The following GBP5 variants were observed in gnomAD, a reference collection of about 807,000 sequenced individuals.
GBP5 encodes guanylate-binding protein 5.
GBP5 carries 48 observed loss-of-function variants against 58.2 expected under a neutral mutation model. The observed-to-expected ratio is 0.83, with a 90% CI of 0.65 to 1.05. The LOEUF is 1.05. GBP5 is among the 50% of genes least tolerant of loss of function. GBP5 has a pLI of 0.00. For synonymous variants in GBP5, 248 were observed against 251.8 expected (o/e 0.98, Z 0.14); for missense variants, 714 against 686.8 (o/e 1.04, Z -0.44).
In GBP5 at chr1:89,261,252, C is replaced by T. The variant is rs61798824; in HGVS notation, c.1648-435G>A. Among the ~76,000 whole-genome samples the T allele has an allele frequency of 4.6e-3, 703 of 152,294 alleles. 4 individuals carry two copies. Among genetic ancestry groups the T allele is most frequent in the Non-Finnish European group, 8.1e-3 (549 of 68,012 alleles). On this transcript the variant is annotated intron_variant, in intron 11 of 11. Transcript: ENST00000370459. ...CATAAGAGAATTTGTTCCAGGTCACCACAGAAGTAGGAGAAAAGAGTGAAT... is the reference window on the plus strand; with the variant it reads ...CATAAGAGAATTTGTTCCAGGTCACTACAGAAGTAGGAGAAAAGAGTGAAT...
chr1:89,264,820 G>T lies in GBP5; in HGVS notation c.1015C>A (p.Gln339Lys), dbSNP rs1431824268. 2 of 1,614,012 alleles carry T rather than the reference G, an allele frequency of 1.2e-6. No individual in the cohort carries two copies. Among genetic ancestry groups the T allele is most frequent in the Non-Finnish European group, 1.7e-6 (2 of 1,180,044 alleles). Residue 339 changes from glutamine to lysine, a missense_variant, in exon 8 of 12, where the codon CAG (glutamine) becomes AAG (lysine). Physicochemically the swap from Gln to Lys is moderately conservative, Grantham distance 53. Transcript: ENST00000370459. ...GTTTCCATGGGCAGCTGCACTTTCT[G>T]GCCCATTTGCTGGTCATAGTGGGCA... ...AIAHYDQQMG[Q>K]KVQLPMETLQ...
At chr1:89,261,163 G>A (rs1649993750) in intron 11 of GBP5, among the ~76,000 whole-genome samples, 1 of 152,168 alleles carries the variant, frequency 6.6e-6, no homozygotes, top group African/African-American at 2.4e-5. Context: ...AAGAGAAGAG[G>A]CTGATACAAA....
At position 89,262,241 on chromosome 1, in the gene GBP5, T is replaced by C. The variant is rs2100716732; in HGVS notation, c.1626A>G (p.Lys542=). ...AKQNWLAEQQ[K]MQEQQMQEQA... is the part of the protein sequence containing the mutation. ...ATACCTGCATCTGTTGTTCCTGCAT[T>C]TTCTGTTGCTCTGCCAGCCAATTTT... Residue 542 remains lysine, a synonymous_variant, in exon 11 of 12, where the codon AAA becomes AAG. Transcript: ENST00000370459. The C allele has an allele frequency of 1.9e-6, 3 of 1,614,196 alleles. No individual in the cohort carries two copies. The highest frequency in any genetic ancestry group is 4.5e-5 in the East Asian group (2 of 44,886).
At chr1:89,271,378 A>T (rs1459238302) in intron 1 of GBP5, 1 of 152,220 alleles carries the variant, frequency 6.6e-6, no homozygotes, top group Non-Finnish European at 1.5e-5. Flanking sequence ...AAGCAAAAGT[A>T]AATAAACAAC....
Position 89,260,674 on chromosome 1 carries a change from T to TA in GBP5, c.*29dup, listed in dbSNP as rs898839050. 3.7e-6 allele frequency: 5 copies of TA among 1,341,190 alleles called. No homozygotes were observed. Among genetic ancestry groups the TA allele is most frequent in the Non-Finnish European group, 5.4e-6 (5 of 934,342 alleles). The allele number at this position is 1,341,190 out of a possible 1,614,324, so 83.1% of individuals were successfully genotyped here. ...CTGTTGTGTCATCAGTGACAAAGAG[T>TA]AAAAAAAGGAAACTCCCATATTTAG... On this transcript the variant is annotated 3_prime_UTR_variant, in exon 12 of 12. Coordinates refer to ENST00000370459, the MANE Select transcript of GBP5 (RefSeq NM_052942.5).
At chr1:89,267,779 A>G (rs1650285458) in intron 4 of GBP5, among the ~76,000 whole-genome samples, 1 of 152,154 alleles carries the variant, frequency 6.6e-6, no homozygotes, top group Admixed American at 6.5e-5. Flanking sequence ...TAAAACCAAC[A>G]TTTTCCAGCA....
chr1:89,263,422 T>C lies in GBP5; in HGVS notation c.1362+314A>G, dbSNP rs151331192. 2.8e-3 allele frequency: 715 copies of C among 251,996 alleles called. 4 individuals carry two copies. The highest frequency in any genetic ancestry group is 4.0e-3 in the Non-Finnish European group (514 of 129,420). The allele number at this position is 251,996 out of a possible 1,614,324, so 15.6% of individuals were successfully genotyped here. ...TGGTGTTTCTTAGGTTAGTTTCAAGTATTGGCATTCTGTCCAATGTAACCA... is the reference window on the plus strand; with the variant it reads ...TGGTGTTTCTTAGGTTAGTTTCAAGCATTGGCATTCTGTCCAATGTAACCA... On this transcript the variant is annotated intron_variant, in intron 9 of 11. Transcript: ENST00000370459.
intron 4 of GBP5, among the ~76,000 whole-genome samples, chr1:89,268,083 A>G (rs748638139): frequency 2.0e-4 from 30 of 152,320 alleles, no homozygotes; most frequent in Non-Finnish European, 1.0e-4. Flanking sequence ...ACTCATACCA[A>G]CTCATGACAG....
chr1:89,257,833 G>A lies in GBP5; in HGVS notation c.*2871C>T, dbSNP rs1649844144. On this transcript the variant is annotated 3_prime_UTR_variant, in exon 12 of 12. Transcript: ENST00000370459. ...AATTTTGTGGCTTAAAACAACAGAA[G>A]CTTATTATCTTACAGTTTTGGAAAT... 6.6e-6 allele frequency among the ~76,000 whole-genome samples: 1 copy of A among 152,130 alleles called. No homozygotes were observed. Among genetic ancestry groups the A allele is most frequent in the Admixed American group, 6.5e-5 (1 of 15,274 alleles).
At position 89,263,929 on chromosome 1, in the gene GBP5, T is replaced by C. The variant is rs1384556593; in HGVS notation, c.1169A>G (p.Gln390Arg). ...KELETLLDAK[Q>R]NDICKRNLEA... is the part of the protein sequence containing the mutation. The stretch of plus-strand genomic sequence containing the variant: ...CAGGTTCCGTTTACAAATGTCATTC[T>C]GTTTTGCATCTAGTAGAGTCTTCAA... The change falls in exon 9 of 12, where the codon CAG becomes CGG. Residue 390 changes from glutamine (Q) to arginine (R), a missense_variant. Gln to Arg is a conservative substitution (Grantham distance 43, BLOSUM62 1). Transcript: ENST00000370459. 3.1e-6 allele frequency: 5 copies of C among 1,610,034 alleles called. No homozygotes were observed. Among genetic ancestry groups the C allele is most frequent in the Non-Finnish European group, 4.2e-6 (5 of 1,177,730 alleles).
intron 7 of GBP5, among the ~76,000 whole-genome samples, chr1:89,265,178 A>G (rs753048745): frequency 2.6e-5 from 4 of 152,226 alleles, no homozygotes; most frequent in Non-Finnish European, 5.9e-5. Context: ...CTGTGTTCAA[A>G]TAAGAAAATA....
chr1:89,266,731 A>C (rs927692291), intron 6 of GBP5, 143 bp from the exon 7 acceptor site: 51 of 839,868 alleles, frequency 6.1e-5, no homozygotes, highest in Non-Finnish European at 7.1e-5. Flanking sequence ...AATGGTAACT[A>C]ATCAGGGAAA....
In GBP5 at chr1:89,267,453, A is replaced by C. The variant is rs1650267352; in HGVS notation, c.392T>G (p.Val131Gly). The change falls in exon 5 of 12, where the codon GTG becomes GGG. Residue 131 changes from valine (V) to glycine (G), a missense_variant. Physicochemically the swap from Val to Gly is moderately radical, Grantham distance 109. Coordinates refer to ENST00000370459, the MANE Select transcript of GBP5 (RefSeq NM_052942.5). ...LLSSTFVYNTVNKIDQGAIDL... is the reference protein window; with the variant it reads ...LLSSTFVYNTGNKIDQGAIDL... ...GATAGCACCCTGATCAATTTTGTTCACAGTATTGTACACAAAGGTGCTGCT... is the reference window on the plus strand; with the variant it reads ...GATAGCACCCTGATCAATTTTGTTCCCAGTATTGTACACAAAGGTGCTGCT... 1 of 1,613,884 alleles carries C rather than the reference A, an allele frequency of 6.2e-7. No individual in the cohort carries two copies. Among genetic ancestry groups the C allele is most frequent in the Admixed American group, 1.7e-5 (1 of 60,024 alleles).
chr1:89,262,133 AC>A, intron 11 of GBP5, 86 bp downstream of exon 11: 1 of 1,285,924 alleles, frequency 7.8e-7, no homozygotes, highest in Non-Finnish European at 1.1e-6. Context: ...GCTGAGAGCC[AC>A]AAGATCTTGC....
intron 11 of GBP5, among the ~76,000 whole-genome samples, chr1:89,261,305 T>C (rs1488406961): frequency 6.6e-6 from 1 of 152,248 alleles, no homozygotes; most frequent in Admixed American, 6.5e-5. Flanking sequence ...CTGCTCATAC[T>C]GCTCTTTAGG....
chr1:89,262,967 AT>A, intron 9 of GBP5, 182 bp from the exon 10 acceptor site: 5 of 454,672 alleles, frequency 1.1e-5, no homozygotes, highest in South Asian at 7.9e-5. Flanking sequence ...GGAACTGCCA[AT>A]TGAGACTGGA....
At chr1:89,267,220 T>TC in intron 5 of GBP5, 67 bp from the exon 6 acceptor site, 1 of 1,356,120 alleles carries the variant, frequency 7.4e-7, no homozygotes, top group Non-Finnish European at 1.0e-6. Flanking sequence ...AATTCCATTT[T>TC]CCCCCAAACC....
chr1:89,263,544 T>TA (rs1650090803), intron 9 of GBP5, 192 bp downstream of exon 9: 1 of 525,640 alleles, frequency 1.9e-6, no homozygotes, highest in East Asian at 3.0e-5. Flanking sequence ...CCATTAGATA[T>TA]AAATTCTGTG....
rs1649913246 is a variant in GBP5, at chr1:89,259,488, T to G, written c.*1216A>C. ...GTTGAAAGCTGCACATTGTTTCCAC[T>G]TTACCATTGGTACTTCCCTCTGATG... On this transcript the variant is annotated 3_prime_UTR_variant, in exon 12 of 12. Coordinates refer to ENST00000370459, the MANE Select transcript of GBP5 (RefSeq NM_052942.5). 1.3e-5 allele frequency: 2 copies of G among 152,230 alleles called. No homozygotes were observed. The highest frequency in any genetic ancestry group is 4.8e-5 in the African/African-American group (2 of 41,446). The allele number at this position is 152,230 out of a possible 1,614,324, so 9.4% of individuals were successfully genotyped here. A position where few individuals can be genotyped will look rare whatever the true frequency, so the allele number is the denominator to read the frequency against.
Sources: allele counts gnomAD v4.1 joint callset (sites outside exome capture counted in the v4.1 genomes callset), GRCh38; gene constraint gnomAD v4.1.1; transcripts MANE v1.5; gene names NCBI Gene and HGNC (gene_info 2026-07-23, HGNC 2026-07-21).